Variants in TMEM164 observed in about 807,000 individuals in gnomAD.
TMEM164 encodes the protein RP13-360B22.2.
In TMEM164, 4 loss-of-function variants were observed where a neutral mutation model predicts 18.8. That is an observed-to-expected ratio of 0.21 (90% CI 0.10 to 0.49). The LOEUF is 0.49. Among genes scored for constraint, TMEM164 ranks in the 20% least tolerant of loss-of-function variants. TMEM164 has a pLI of 0.98. For synonymous variants in TMEM164, 86 were observed against 101.7 expected, an observed-to-expected ratio of 0.85 and a Z score of 0.93; for missense variants, 108 against 239.9, an observed-to-expected ratio of 0.45 and a Z score of 3.63.
At chrX:110,139,607 C>G (rs1569346592) in intron 4 of TMEM164, among the ~76,000 whole-genome samples, 1 of 111,812 alleles carries the variant, frequency 8.9e-6, no homozygotes, top group East Asian at 2.8e-4. Flanking sequence ...ATATTTTTCT[C>G]CAGACATGTT....
chrX:110,054,593 C>G (rs1935729375), intron 2 of TMEM164, among the ~76,000 whole-genome samples: 1 of 112,104 alleles, frequency 8.9e-6, no homozygotes, highest in Non-Finnish European at 1.9e-5. Context: ...TATGTCCAGT[C>G]CTTTATGGCT....
chrX:110,166,728 T>C (rs2067163512), intron 5 of TMEM164, among the ~76,000 whole-genome samples: 1 of 112,199 alleles, frequency 8.9e-6, no homozygotes, highest in Non-Finnish European at 1.9e-5. Flanking sequence ...GCTTCTCTCT[T>C]CCTGGGATAT....
chrX:110,051,574 ACTTT>A (rs1935557017), intron 2 of TMEM164, among the ~76,000 whole-genome samples: 1 of 97,828 alleles, frequency 1.0e-5, no homozygotes, highest in African/African-American at 3.6e-5. Context: ...AAGAGAGGTA[ACTTT>A]CTTTCAAAAA....
downstream of TMEM164, among the ~76,000 whole-genome samples, chrX:110,180,494 C>A (rs2067319614): frequency 1.1e-5 from 1 of 92,110 alleles, no homozygotes; most frequent in African/African-American, 7.7e-5. Flanking sequence ...AACCCCCCCG[C>A]CCCGCCCACA....
At chrX:110,042,525 T>G (rs1306501382) in intron 2 of TMEM164, among the ~76,000 whole-genome samples, 1 of 111,901 alleles carries the variant, frequency 8.9e-6, no homozygotes, top group Admixed American at 9.5e-5. Flanking sequence ...TCAGTTCTTT[T>G]GGGTATGTAT....
At chrX:110,086,775 A>C (rs1349504660) in intron 3 of TMEM164, among the ~76,000 whole-genome samples, 1 of 110,251 alleles carries the variant, frequency 9.1e-6, no homozygotes, top group Admixed American at 9.8e-5. Flanking sequence ...TAGATCTAGC[A>C]TAGGCAGAGA....
intron 4 of TMEM164, among the ~76,000 whole-genome samples, chrX:110,135,725 A>G (rs1376818673): frequency 8.9e-6 from 1 of 112,221 alleles, no homozygotes; most frequent in Non-Finnish European, 1.9e-5. Flanking sequence ...AAGTTGAAAT[A>G]GTAGCATAGT....
intron 5 of TMEM164, among the ~76,000 whole-genome samples, chrX:110,153,040 T>C (rs1453362962): frequency 9.0e-6 from 1 of 111,724 alleles, no homozygotes; most frequent in Non-Finnish European, 1.9e-5. Context: ...TCCCTGAGTA[T>C]TTTATCCAAT....
chrX:110,115,697 T>C (rs1169302038), intron 4 of TMEM164, among the ~76,000 whole-genome samples: 1 of 111,960 alleles, frequency 8.9e-6, no homozygotes, highest in African/African-American at 3.2e-5. Context: ...AAACAACCAG[T>C]GTACATTCCT....
intron 2 of TMEM164, among the ~76,000 whole-genome samples, chrX:110,060,062 A>G (rs1179458634): frequency 9.0e-6 from 1 of 110,889 alleles, no homozygotes; most frequent in African/African-American, 3.3e-5. Context: ...CAGGAGCTTG[A>G]GACCAATCTG....
intron 2 of TMEM164, among the ~76,000 whole-genome samples, chrX:110,040,667 C>G (rs1456857661): frequency 9.0e-6 from 1 of 111,655 alleles, no homozygotes; most frequent in Non-Finnish European, 1.9e-5. Flanking sequence ...TTTCCTTAGT[C>G]TCTTCTGCTG....
Position 110,107,507 on chromosome X carries a change from C to A in TMEM164, c.441-1573C>A, listed in dbSNP as rs60170954. 7.6e-3 allele frequency among the ~76,000 whole-genome samples: 849 copies of A among 111,973 alleles called. 17 individuals are homozygous for A. Among genetic ancestry groups the A allele is most frequent in the African/African-American group, 0.026 (800 of 30,814 alleles). On this transcript the variant is annotated intron_variant, in intron 3 of 6. Coordinates refer to ENST00000372068, the MANE Select transcript of TMEM164 (RefSeq NM_032227.4). ...ATTAAGTGCATACCATCGCTATTCG[C>A]AAAGTTTTGGTGACAAAGAACAATA...
chrX:110,107,849 G>A (rs1198314516), intron 3 of TMEM164, among the ~76,000 whole-genome samples: 4 of 109,930 alleles, frequency 3.6e-5, no homozygotes, highest in Non-Finnish European at 5.7e-5. Context: ...TAGTAGAGAC[G>A]GGGTTTTGCC....
chrX:110,090,516 C>T (rs1215044496), intron 3 of TMEM164, among the ~76,000 whole-genome samples: 1 of 109,962 alleles, frequency 9.1e-6, no homozygotes, highest in Non-Finnish European at 1.9e-5. Flanking sequence ...GGGGTTTCAC[C>T]ATATTAACCA....
At chrX:110,091,277 C>T (rs921243135) in intron 3 of TMEM164, among the ~76,000 whole-genome samples, 10 of 112,389 alleles carry the variant, frequency 8.9e-5, no homozygotes, top group Non-Finnish European at 1.9e-4. Flanking sequence ...CTTGAGGAAT[C>T]GCCACACAGT....
rs181991759 is a variant in TMEM164 at position 110,115,215 on chromosome X, G to A, written c.507+6069G>A. Among the ~76,000 whole-genome samples the A allele has an allele frequency of 4.5e-3, 509 of 112,205 alleles. 3 individuals are homozygous for A. The highest frequency in any genetic ancestry group is 6.8e-3 in the Non-Finnish European group (364 of 53,250). The stretch of plus-strand genomic sequence containing the variant: ...CTCACTCTTTGCTAATTGGCACATC[G>A]AAATGTGCTAGTTGACCTAGAAAAG... On this transcript the variant is annotated intron_variant, in intron 4 of 6. Coordinates refer to ENST00000372068, the MANE Select transcript of TMEM164 (RefSeq NM_032227.4).
intron 2 of TMEM164, among the ~76,000 whole-genome samples, chrX:110,032,056 G>A (rs945475293): frequency 1.8e-5 from 2 of 111,197 alleles, no homozygotes; most frequent in African/African-American, 6.5e-5. Context: ...TGGGGGAGAG[G>A]GCTCCAGATT....
intron 3 of TMEM164, among the ~76,000 whole-genome samples, chrX:110,076,185 C>A (rs1006958001): frequency 4.5e-5 from 5 of 110,014 alleles, no homozygotes; most frequent in African/African-American, 1.6e-4. Flanking sequence ...GTTTTAGTTT[C>A]TTCCTGATTC....
intron 2 of TMEM164, 126 bp downstream of exon 2, chrX:110,004,290 G>A (rs1569290181): frequency 2.3e-6 from 2 of 854,940 alleles, no homozygotes; most frequent in Middle Eastern, 3.6e-4. Context: ...ATTTTCCAAC[G>A]AGTGGCTGCC....
Sources: allele counts gnomAD v4.1 joint callset (sites outside exome capture counted in the v4.1 genomes callset), GRCh38; gene constraint gnomAD v4.1.1; transcripts MANE v1.5; gene names NCBI Gene and HGNC (gene_info 2026-07-23, HGNC 2026-07-21).